Variants in HUWE1 observed in about 807,000 individuals in gnomAD.
HUWE1 encodes the protein HECT, UBA and WWE domain containing E3 ubiquitin protein ligase 1, also known as E3 ubiquitin-protein ligase HUWE1.
In HUWE1, 18 loss-of-function variants were observed where a neutral mutation model predicts 299.4. That is an observed-to-expected ratio of 0.06 (90% CI 0.04 to 0.09). HUWE1 has a LOEUF of 0.09. Ranked by LOEUF, HUWE1 falls within the 10% of genes least tolerant of loss-of-function variation. The probability of loss-of-function intolerance (pLI) is 1.00; values close to 1 mark genes in which losing one functional copy is unlikely to be tolerated. For missense variants in HUWE1, 1,832 were observed against 3,462.3 expected, an observed-to-expected ratio of 0.53 and a Z score of 11.82; for synonymous variants, 1,317 against 1,286.1, an observed-to-expected ratio of 1.02 and a Z score of -0.51.
In HUWE1 at chrX:53,554,694, G is replaced by A. The variant is rs782316456; in HGVS notation, c.8433C>T (p.Pro2811=). ...LMPVEPEELG[P]TRPSGEAETT... ...TTTCTGCTTCCCCACTTGGCCTTGT[G>A]GGACCCAATTCCTCTGGCTCTACAG... The change falls in exon 61 of 84, where the codon CCC becomes CCT. Residue 2811 remains proline, a synonymous_variant. Transcript: ENST00000262854. 17 of 1,211,159 alleles carry A rather than the reference G, an allele frequency of 1.4e-5. No homozygotes were observed. Among genetic ancestry groups the A allele is most frequent in the Non-Finnish European group, 1.8e-5 (16 of 895,247 alleles).
chrX:53,624,758 T>C (rs782566888), intron 18 of HUWE1, 83 bp from the exon 19 acceptor site: 46 of 670,502 alleles, frequency 6.9e-5, no homozygotes, highest in Non-Finnish European at 1.1e-4. Flanking sequence ...ATATGTTATG[T>C]ATTATCACAC....
At chrX:53,662,526 C>T (rs1361083692) in intron 3 of HUWE1, among the ~76,000 whole-genome samples, 3 of 111,810 alleles carry the variant, frequency 2.7e-5, no homozygotes, top group African/African-American at 9.8e-5. Context: ...TATTATAGCA[C>T]CCAGTTTATT....
intron 61 of HUWE1, among the ~76,000 whole-genome samples, chrX:53,553,535 C>A (rs1347590234): frequency 9.3e-6 from 1 of 107,742 alleles, no homozygotes; most frequent in Non-Finnish European, 1.9e-5. Context: ...TTCGGTAGGG[C>A]GCAGTGGCTC....
intron 23 of HUWE1, among the ~76,000 whole-genome samples, chrX:53,610,659 TG>T (rs1341112731): frequency 9.0e-6 from 1 of 111,487 alleles, no homozygotes; most frequent in Non-Finnish European, 1.9e-5. Context: ...TTTTTTGGGA[TG>T]GGGGGATGGT....
rs782619431 is a variant in HUWE1 at position 53,604,661 on chromosome X, T to C, written c.2670A>G (p.Thr890=). ...CAGCAGTGAGTGCATGCAGCAGAGG[T>C]GTGGCCTGGGCTGAGAGGGTAGCAT... ...VADATLSAQA[T]PLLHALTAAH... is the part of the protein sequence containing the mutation. Residue 890 remains threonine (T), a synonymous_variant, in exon 26 of 84, where the codon ACA becomes ACG. Transcript: ENST00000262854. 14 of 1,209,294 alleles carry C rather than the reference T, an allele frequency of 1.2e-5. No individual in the cohort carries two copies. The African/African-American group carries it at 2.4e-4, about 21-fold the overall frequency.
chrX:53,663,326 A>G (rs2069098593), intron 3 of HUWE1, among the ~76,000 whole-genome samples: 1 of 112,468 alleles, frequency 8.9e-6, no homozygotes, highest in African/African-American at 3.2e-5. Flanking sequence ...CAGCCTGACC[A>G]ACATGGTGAA....
chrX:53,640,650 G>T (rs1040422291), intron 7 of HUWE1, among the ~76,000 whole-genome samples: 1 of 111,166 alleles, frequency 9.0e-6, no homozygotes, highest in African/African-American at 3.3e-5. Flanking sequence ...AATCTCTTTA[G>T]ATCAATTCAG....
At chrX:53,561,039 T>C (rs1039555473) in intron 55 of HUWE1, among the ~76,000 whole-genome samples, 1 of 112,176 alleles carries the variant, frequency 8.9e-6, no homozygotes, top group Non-Finnish European at 1.9e-5. Context: ...TAATCATAGA[T>C]GTTATCTTCA....
In HUWE1 at chrX:53,536,682, A is replaced by C; in HGVS notation, c.12138-15T>G. ...ATACTATATACCTGCATAAGAAAGC[A>C]GAAGCAGAAAAGAGCTGTGCAGAAA... On this transcript the variant is annotated splice_polypyrimidine_tract_variant and intron_variant, in intron 78 of 83. Coordinates refer to ENST00000262854, the MANE Select transcript of HUWE1 (RefSeq NM_031407.7). The C allele has an allele frequency of 8.3e-7, 1 of 1,201,729 alleles. No individual in the cohort carries two copies. The highest frequency in any genetic ancestry group is 1.1e-6 in the Non-Finnish European group (1 of 887,434).
chrX:53,571,795 T>C (rs1358928040), intron 47 of HUWE1, among the ~76,000 whole-genome samples: 1 of 111,250 alleles, frequency 9.0e-6, no homozygotes, highest in Non-Finnish European at 1.9e-5. Flanking sequence ...TACAAACCCA[T>C]TAAAATCAGT....
chrX:53,549,974 A>T (rs781987611), intron 66 of HUWE1, among the ~76,000 whole-genome samples: 16 of 108,013 alleles, frequency 1.5e-4, no homozygotes, highest in Non-Finnish European at 2.7e-4. Flanking sequence ...CTGGTCTTGA[A>T]CTCCTGGACT....
intron 4 of HUWE1, among the ~76,000 whole-genome samples, chrX:53,650,201 T>C (rs781874452): frequency 2.7e-5 from 3 of 112,448 alleles, no homozygotes; most frequent in South Asian, 3.7e-4. Context: ...TAGGTCAAAA[T>C]AGCATGCCTA....
At chrX:53,649,075 A>G (rs1462144791) in intron 4 of HUWE1, among the ~76,000 whole-genome samples, 1 of 112,052 alleles carries the variant, frequency 8.9e-6, no homozygotes, top group Non-Finnish European at 1.9e-5. Flanking sequence ...TTAACTCCAT[A>G]AAGGCAGTAC....
intron 80 of HUWE1, 91 bp downstream of exon 80, chrX:53,536,056 A>C: frequency 1.8e-6 from 1 of 568,346 alleles, no homozygotes; most frequent in Non-Finnish European, 3.1e-6. Flanking sequence ...TAGAACTATG[A>C]GAAGGTCACG....
chrX:53,580,259 C>A (rs2063551200), intron 43 of HUWE1, among the ~76,000 whole-genome samples: 1 of 112,032 alleles, frequency 8.9e-6, no homozygotes, highest in Non-Finnish European at 1.9e-5. Flanking sequence ...AATCTTTTAT[C>A]TGGATCCACA....
At chrX:53,546,326 G>A (rs1556922674) in intron 70 of HUWE1, 110 bp downstream of exon 70, 1 of 680,650 alleles carries the variant, frequency 1.5e-6, no homozygotes, top group African/African-American at 2.2e-5. Flanking sequence ...TGTGTTATAG[G>A]GATATGGAGG....
intron 19 of HUWE1, among the ~76,000 whole-genome samples, chrX:53,620,619 C>T (rs1256671620): frequency 8.9e-6 from 1 of 111,749 alleles, no homozygotes; most frequent in Non-Finnish European, 1.9e-5. Context: ...CTTAAACTTA[C>T]TAAATGGACA....
chrX:53,672,371 T>A lies in HUWE1; in HGVS notation c.-25+7678A>T, dbSNP rs2069595979. 3.7e-5 allele frequency among the ~76,000 whole-genome samples: 4 copies of A among 108,173 alleles called. No individual in the cohort carries two copies. In the South Asian group the frequency reaches 1.6e-3, roughly 44 times the overall value. The allele number at this position is 108,173 out of a possible 115,157, so 93.9% of individuals were successfully genotyped here. A position where few individuals can be genotyped will look rare whatever the true frequency, so the allele number is the denominator to read the frequency against. On this transcript the variant is annotated intron_variant, in intron 3 of 83. Coordinates refer to ENST00000262854, the MANE Select transcript of HUWE1 (RefSeq NM_031407.7). Reference sequence around the variant, plus strand: ...TCCGCCTCCTGGGTTCAAGTGATTCTCCTGCCTCAGCCTCCCGAGTAGCTG... The same window carrying A: ...TCCGCCTCCTGGGTTCAAGTGATTCACCTGCCTCAGCCTCCCGAGTAGCTG...
chrX:53,619,273 T>C (rs2065980762), intron 19 of HUWE1, among the ~76,000 whole-genome samples: 1 of 111,446 alleles, frequency 9.0e-6, no homozygotes. Context: ...TTCCTATTGG[T>C]ATGACACTCC....
Sources: gnomAD v4.1 joint callset for allele counts (sites outside exome capture counted in the v4.1 genomes callset) on GRCh38, gnomAD v4.1.1 for gene constraint, MANE v1.5 for transcripts, NCBI Gene and HGNC (gene_info 2026-07-23, HGNC 2026-07-21) for gene names.